PDPN: variants seen among roughly 807,000 people sequenced by gnomAD.
The protein encoded by PDPN is PA2.26 antigen.
PDPN carries 12 observed loss-of-function variants against 23.2 expected under a neutral mutation model. The ratio of observed to expected loss-of-function variants is 0.52; its 90% CI spans 0.33 to 0.84. The LOEUF (loss-of-function observed/expected upper bound fraction) is 0.84, where lower values mean the gene tolerates loss of function less well. Among genes scored for constraint, PDPN ranks in the 40% least tolerant of loss-of-function variants. The pLI, the probability that PDPN is intolerant of heterozygous loss-of-function variation, is 0.02. For missense variants in PDPN, 199 were observed against 212.2 expected, an observed-to-expected ratio of 0.94 and a Z score of 0.39; for synonymous variants, 77 against 76.7, an observed-to-expected ratio of 1.00 and a Z score of -0.02.
At position 13,584,367 on chromosome 1, in the gene PDPN, C is replaced by G. The variant is rs1569999985; in HGVS notation, c.67+267C>G. The G allele has an allele frequency of 1.1e-5, 16 of 1,414,616 alleles. No homozygotes were observed. In the East Asian group the frequency reaches 4.0e-4, roughly 36 times the overall value. 87.6% of individuals were successfully genotyped at this position (1,414,616 alleles called of 1,614,324 possible). A position where few individuals can be genotyped will look rare whatever the true frequency, so the allele number is the denominator to read the frequency against. ...GTGGGCAGCACAGGGGGCCTCCCTC[C>G]GAGTCGGCAGCACCAGAGAGATCGG... On this transcript the variant is annotated intron_variant, in intron 1 of 5. Coordinates refer to ENST00000621990, the MANE Select transcript of PDPN (RefSeq NM_006474.5).
chr1:13,609,704 T>G (rs1264012412), intron 2 of PDPN, among the ~76,000 whole-genome samples: 1 of 152,258 alleles, frequency 6.6e-6, no homozygotes, highest in Non-Finnish European at 1.5e-5. Flanking sequence ...GTGACTGGTT[T>G]ATTTCACTTA....
At position 13,606,117 on chromosome 1, in the gene PDPN, G is replaced by A. The variant is rs553433458; in HGVS notation, c.68-1056G>A. ...CAATTTTCCTGCCTCAGCCTCCTGA[G>A]TAGCTAGGATTATAGGTGCCCACCA... On this transcript the variant is annotated intron_variant, in intron 1 of 5. Transcript: ENST00000621990. 1.8e-4 allele frequency among the ~76,000 whole-genome samples: 28 copies of A among 152,106 alleles called. 1 individual carries two copies. The highest frequency in any genetic ancestry group is 6.5e-4 in the Admixed American group (10 of 15,280).
rs1430776589 is a variant in PDPN, at chr1:13,606,692, T to C, written c.68-481T>C. ...CTTAAGAAAAATTAATTTGAAAAGGTAGAGAAAAAAATAAAAAAATAAAAA... is the reference window on the plus strand; with the variant it reads ...CTTAAGAAAAATTAATTTGAAAAGGCAGAGAAAAAAATAAAAAAATAAAAA... On this transcript the variant is annotated intron_variant, in intron 1 of 5. Coordinates refer to ENST00000621990, the MANE Select transcript of PDPN (RefSeq NM_006474.5). Among the ~76,000 whole-genome samples, 3 of 151,932 alleles carry C rather than the reference T, an allele frequency of 2.0e-5. No individual in the cohort carries two copies. In the East Asian group the frequency reaches 5.8e-4, roughly 29 times the overall value.
upstream of PDPN, chr1:13,583,822 G>C (rs781546601): frequency 8.4e-6 from 13 of 1,552,352 alleles, no homozygotes; most frequent in African/African-American, 4.1e-5. Context: ...ACTCCGCTCG[G>C]AAAGTTCTCA....
intron 1 of PDPN, among the ~76,000 whole-genome samples, chr1:13,605,992 A>G (rs1032827903): frequency 6.6e-5 from 10 of 151,754 alleles, no homozygotes; most frequent in African/African-American, 2.4e-4. Context: ...GGCCAAGGGC[A>G]GTTCATTAGT....
intron 1 of PDPN, among the ~76,000 whole-genome samples, chr1:13,598,599 G>A (rs561229024): frequency 2.6e-5 from 4 of 151,894 alleles, no homozygotes; most frequent in Middle Eastern, 3.2e-3. Context: ...CCCTTCACAC[G>A]CCAAATGCAA....
chr1:13,613,717 T>C lies in PDPN; in HGVS notation c.362T>C (p.Val121Ala), dbSNP rs1438407778. 6.7e-7 allele frequency: 1 copy of C among 1,503,704 alleles called. No individual in the cohort carries two copies. Among genetic ancestry groups the C allele is most frequent in the Non-Finnish European group, 9.3e-7 (1 of 1,080,214 alleles). The allele number at this position is 1,503,704 out of a possible 1,614,324, so 93.1% of individuals were successfully genotyped here. A position where few individuals can be genotyped will look rare whatever the true frequency, so the allele number is the denominator to read the frequency against. Residue 121 changes from valine to alanine, a missense_variant, in exon 4 of 6, where the codon GTT (valine) becomes GCT (alanine). Physicochemically the swap from Val to Ala is moderately conservative, Grantham distance 64 (BLOSUM62 0). Coordinates refer to ENST00000621990, the MANE Select transcript of PDPN (RefSeq NM_006474.5). Reference sequence around the variant, plus strand: ...GTGGATGGAGACACACAGACAACAGTTGAGAAAGGTAGGCTAGATTTTGGC... The same window carrying C: ...GTGGATGGAGACACACAGACAACAGCTGAGAAAGGTAGGCTAGATTTTGGC... ...EKVDGDTQTT[V>A]EKDGLSTVTL...
At chr1:13,603,071 GAGAGAGAGAGAAAAAAAC>G (rs1225752231) in intron 1 of PDPN, among the ~76,000 whole-genome samples, 1 of 150,204 alleles carries the variant, frequency 6.7e-6, no homozygotes, top group Non-Finnish European at 1.5e-5. Context: ...AAATACAAAG[GAGAGAGAGAGAAAAAAAC>G]AGAGAGAGAT....
At chr1:13,611,641 G>A (rs1314252937) in intron 3 of PDPN, among the ~76,000 whole-genome samples, 1 of 152,178 alleles carries the variant, frequency 6.6e-6, no homozygotes, top group African/African-American at 2.4e-5. Context: ...AGGGGTTCAG[G>A]AGGTGGATGG....
intron 1 of PDPN, among the ~76,000 whole-genome samples, chr1:13,602,142 T>C (rs1640661718): frequency 6.6e-6 from 1 of 152,108 alleles, no homozygotes; most frequent in Non-Finnish European, 1.5e-5. Context: ...CTGGCTAACA[T>C]GGTGAAACCC....
At chr1:13,603,621 C>T (rs150246019) in intron 1 of PDPN, among the ~76,000 whole-genome samples, 2,200 of 149,968 alleles carry the variant, frequency 0.015, 57 homozygotes, top group African/African-American at 0.052. Context: ...CAGAGTCTCA[C>T]TTTGCCACTC....
chr1:13,608,108 A>AAAAT (rs146751493), intron 2 of PDPN, among the ~76,000 whole-genome samples: 2 of 152,056 alleles, frequency 1.3e-5, no homozygotes, highest in Admixed American at 6.5e-5. Flanking sequence ...TCCGCCTCAA[A>AAAAT]AAATAAATAA....
intron 2 of PDPN, among the ~76,000 whole-genome samples, chr1:13,608,659 A>G (rs918637724): frequency 7.2e-5 from 11 of 152,150 alleles, no homozygotes; most frequent in African/African-American, 1.2e-4. Flanking sequence ...ACACTTAAAC[A>G]AAAGATTTTT....
intron 2 of PDPN, among the ~76,000 whole-genome samples, chr1:13,608,197 A>G (rs774577455): frequency 5.3e-5 from 8 of 152,228 alleles, no homozygotes; most frequent in Non-Finnish European, 1.0e-4. Flanking sequence ...TCCACAGACC[A>G]CAAGATGATA....
At chr1:13,607,398 T>C in intron 2 of PDPN, 92 bp downstream of exon 2, 1 of 903,678 alleles carries the variant, frequency 1.1e-6, no homozygotes, top group South Asian at 2.8e-5. Context: ...TATAAAAATA[T>C]ATCTATCTAT....
chr1:13,605,188 C>A (rs1293193377), intron 1 of PDPN, among the ~76,000 whole-genome samples: 1 of 103,604 alleles, frequency 9.7e-6, no homozygotes, highest in Non-Finnish European at 2.3e-5. Context: ...TATCTTAAGG[C>A]AAGGAATGGA....
At chr1:13,611,475 CA>C (rs920877826) in intron 3 of PDPN, among the ~76,000 whole-genome samples, 2 of 150,060 alleles carry the variant, frequency 1.3e-5, no homozygotes, top group African/African-American at 2.4e-5. Context: ...TAAACCAGTA[CA>C]AAAAAAAATA....
chr1:13,594,862 G>A (rs896783220), intron 1 of PDPN, among the ~76,000 whole-genome samples: 14 of 152,038 alleles, frequency 9.2e-5, no homozygotes, highest in East Asian at 3.9e-4. Flanking sequence ...GGGTGTGGTG[G>A]CGGGCACCTG....
At chr1:13,602,822 C>A (rs1640681537) in intron 1 of PDPN, among the ~76,000 whole-genome samples, 1 of 152,080 alleles carries the variant, frequency 6.6e-6, no homozygotes, top group East Asian at 1.9e-4. Context: ...CCCGTCTCAG[C>A]CTCCGAAAGT....
Sources: allele counts gnomAD v4.1 joint callset (sites outside exome capture counted in the v4.1 genomes callset), GRCh38; gene constraint gnomAD v4.1.1; transcripts MANE v1.5; gene names NCBI Gene and HGNC (gene_info 2026-07-23, HGNC 2026-07-21).